The following TRIM55 variants were observed in gnomAD, a reference collection of about 807,000 sequenced individuals.
The protein encoded by TRIM55 is tripartite motif-containing protein 55.
Under a neutral mutation model 60.9 loss-of-function variants are expected in TRIM55, and 50 were observed. That is an observed-to-expected ratio of 0.82 (90% CI 0.65 to 1.04). The LOEUF (loss-of-function observed/expected upper bound fraction) is 1.04. TRIM55 is among the 50% of genes least tolerant of loss of function. The pLI is 0.00. For missense variants in TRIM55, 681 were observed against 666.9 expected, an observed-to-expected ratio of 1.02 and a Z score of -0.23; for synonymous variants, 237 against 238.1, an observed-to-expected ratio of 1.00 and a Z score of 0.04.
intron 2 of TRIM55, among the ~76,000 whole-genome samples, chr8:66,134,370 AACC>A (rs1322214749): frequency 2.6e-5 from 4 of 152,194 alleles, no homozygotes; most frequent in Non-Finnish European, 2.9e-5. Flanking sequence ...ATTTGCATCC[AACC>A]AGTACTTGAA....
rs1475914777 is a variant in TRIM55, at chr8:66,163,683, A to G, written c.1524+9349A>G. Among the ~76,000 whole-genome samples the G allele has an allele frequency of 2.0e-5, 3 of 152,166 alleles. 1 individual carries two copies. The highest frequency in any genetic ancestry group is 2.0e-4 in the Admixed American group (3 of 15,278). On this transcript the variant is annotated intron_variant, in intron 9 of 9. Coordinates refer to ENST00000315962, the MANE Select transcript of TRIM55 (RefSeq NM_184085.2). The stretch of plus-strand genomic sequence containing the variant: ...TTTTAAGTTTATTAAGATTTGTTTT[A>G]TGTCTCAGAATGTGATCAACCTTGG...
chr8:66,163,912 A>G (rs1237819285), intron 9 of TRIM55, among the ~76,000 whole-genome samples: 3 of 152,202 alleles, frequency 2.0e-5, no homozygotes, highest in Non-Finnish European at 2.9e-5. Flanking sequence ...GTCTATTCTT[A>G]CAGTATCAGT....
rs1809520801 is a variant in TRIM55 at position 66,137,090 on chromosome 8, A to G, written c.508-5A>G. ...GATATTGGGTTCATGTTTTCTCTTC[A>G]TTAGTCTGAGCTCAGTGATGGCATC... On this transcript the variant is annotated splice_polypyrimidine_tract_variant and splice_region_variant and intron_variant, in intron 3 of 9. Coordinates refer to ENST00000315962, the MANE Select transcript of TRIM55 (RefSeq NM_184085.2). 8 of 1,613,438 alleles carry G rather than the reference A, an allele frequency of 5.0e-6. No homozygotes were observed. The highest frequency in any genetic ancestry group is 6.8e-6 in the Non-Finnish European group (8 of 1,179,550).
At chr8:66,128,817 T>A (rs936669618) in intron 2 of TRIM55, among the ~76,000 whole-genome samples, 1 of 152,130 alleles carries the variant, frequency 6.6e-6, no homozygotes, top group Admixed American at 6.5e-5. Context: ...ACAGGCACTT[T>A]GTAGCTCCAG....
Position 66,132,239 on chromosome 8 carries a change from T to C in TRIM55, c.342-2751T>C, listed in dbSNP as rs1809203341. ...GCTGAGGTGGACAGATCACCTGAGG[T>C]CAGGAGTTTGAGACCAGCCTGACCA... On this transcript the variant is annotated intron_variant, in intron 2 of 9. Coordinates refer to ENST00000315962, the MANE Select transcript of TRIM55 (RefSeq NM_184085.2). 5.3e-5 allele frequency among the ~76,000 whole-genome samples: 8 copies of C among 152,060 alleles called. No homozygotes were observed. The South Asian group carries it at 1.7e-3, about 32-fold the overall frequency.
At chr8:66,114,605 C>A in the TRIM55 span, 1 of 456,320 alleles carries the variant, frequency 2.2e-6, no homozygotes, top group South Asian at 1.5e-5. Context: ...GGGAGACCCA[C>A]AGGGAAAACA....
chr8:66,170,222 C>T (rs1422824169), intron 9 of TRIM55, among the ~76,000 whole-genome samples: 1 of 152,168 alleles, frequency 6.6e-6, no homozygotes, highest in Non-Finnish European at 1.5e-5. Flanking sequence ...GCACTGTACA[C>T]ATTAAAGAAA....
intron 9 of TRIM55, among the ~76,000 whole-genome samples, chr8:66,161,063 G>A (rs956380741): frequency 6.6e-6 from 1 of 151,874 alleles, no homozygotes; most frequent in African/African-American, 2.4e-5. Context: ...TGTTATATTT[G>A]CTTTTGGATT....
At chr8:66,125,863 A>T (rs996392728), upstream of TRIM55, among the ~76,000 whole-genome samples, 7 of 152,248 alleles carry the variant, frequency 4.6e-5, no homozygotes, top group Non-Finnish European at 8.8e-5. Context: ...GGATATGTTA[A>T]CAAAATGTGT....
rs531217742 is a variant in TRIM55 at position 66,150,666 on chromosome 8, A to G, written c.985+200A>G. ...ACAGTGTTTATTTAGCTTTGCACAT[A>G]TGGTGCCTTTTTTTTTTTTTGATGG... On this transcript the variant is annotated intron_variant, in intron 7 of 9. Transcript: ENST00000315962. Among the ~76,000 whole-genome samples, 43 of 149,224 alleles carry G rather than the reference A, an allele frequency of 2.9e-4. No individual in the cohort carries two copies. The South Asian group carries it at 2.9e-3, about 10-fold the overall frequency.
intron 9 of TRIM55, among the ~76,000 whole-genome samples, chr8:66,172,039 C>G (rs1768836976): frequency 6.7e-6 from 1 of 150,250 alleles, no homozygotes; most frequent in Admixed American, 6.7e-5. Flanking sequence ...AGCCTCTTCA[C>G]TGTTGAAAGA....
chr8:66,167,995 C>T (rs1046337338), intron 9 of TRIM55, among the ~76,000 whole-genome samples: 13 of 152,188 alleles, frequency 8.5e-5, no homozygotes, highest in African/African-American at 3.1e-4. Flanking sequence ...AGCAATCCTC[C>T]TGCCTCAGCT....
chr8:66,174,535 ATTCTGAGCCAGC>A lies in TRIM55; in HGVS notation c.1591_1602del (p.Ser531_Ala534del). 1 of 1,611,460 alleles carries A rather than the reference ATTCTGAGCCAGC, an allele frequency of 6.2e-7. No individual in the cohort carries two copies. Among genetic ancestry groups the A allele is most frequent in the Non-Finnish European group, 8.5e-7 (1 of 1,179,318 alleles). ...GCTCCAGCGAGTGGCAGTGGAGCTG[ATTCTGAGCCAGC>A]TCGCCATATCTTCTCCTTTTCCTGG... On this transcript the variant is annotated inframe_deletion, in exon 10 of 10. Transcript: ENST00000315962.
At chr8:66,114,169 AATAAGCCGTGCCC>A in the TRIM55 span, among the ~76,000 whole-genome samples, 15 of 149,490 alleles carry the variant, frequency 1.0e-4, no homozygotes, top group Non-Finnish European at 1.8e-4. Flanking sequence ...AGGAACAGAT[AATAAGCCGTGCCC>A]AGCCGTGGGG....
intron 9 of TRIM55, among the ~76,000 whole-genome samples, chr8:66,163,748 G>C (rs1811171470): frequency 6.6e-6 from 1 of 152,186 alleles, no homozygotes; most frequent in African/African-American, 2.4e-5. Flanking sequence ...AGTGTTTTCT[G>C]TTGTTGTTGG....
At chr8:66,156,733 A>T (rs1260817535) in intron 9 of TRIM55, among the ~76,000 whole-genome samples, 1 of 152,094 alleles carries the variant, frequency 6.6e-6, no homozygotes, top group Non-Finnish European at 1.5e-5. Flanking sequence ...AGCTCCCTTC[A>T]TAGACTTTCT....
chr8:66,146,869 C>T (rs1020620517), intron 4 of TRIM55, among the ~76,000 whole-genome samples: 1 of 152,280 alleles, frequency 6.6e-6, no homozygotes, highest in South Asian at 2.1e-4. Context: ...CTGCATGGGC[C>T]CTTGTTCCAT....
intron 9 of TRIM55, among the ~76,000 whole-genome samples, chr8:66,173,911 G>GA (rs397728598): frequency 0.013 from 1,953 of 150,228 alleles, 45 homozygotes; most frequent in African/African-American, 0.045. Context: ...ATTACCTAGA[G>GA]AAAAAAAAAT....
At chr8:66,126,502 T>C (rs183503806), upstream of TRIM55, among the ~76,000 whole-genome samples, 345 of 152,350 alleles carry the variant, frequency 2.3e-3, 2 homozygotes, top group Non-Finnish European at 3.6e-3. Flanking sequence ...GATCATCCAC[T>C]GGTTTTGAAT....
Sources: gnomAD v4.1 joint callset for allele counts (sites outside exome capture counted in the v4.1 genomes callset) on GRCh38, gnomAD v4.1.1 for gene constraint, MANE v1.5 for transcripts, NCBI Gene and HGNC (gene_info 2026-07-23, HGNC 2026-07-21) for gene names.